Variants in PPCS observed in about 807,000 individuals in gnomAD.
PPCS encodes the protein phosphopantothenate--cysteine ligase.
A neutral mutation model predicts 24.6 loss-of-function variants in PPCS; 17 were observed. The observed-to-expected ratio is 0.69, with a 90% CI of 0.47 to 1.04. The LOEUF is 1.04. Among genes scored for constraint, PPCS ranks in the 50% least tolerant of loss-of-function variants. PPCS has a pLI of 0.00. For missense variants in PPCS, 360 were observed against 402.8 expected (o/e 0.89, Z 0.91); for synonymous variants, 190 against 168.3 (o/e 1.13, Z -1.00).
intron 2 of PPCS, among the ~76,000 whole-genome samples, chr1:42,469,133 CTT>C (rs1424850930): frequency 6.6e-6 from 1 of 152,108 alleles, no homozygotes; most frequent in African/African-American, 2.4e-5. Flanking sequence ...AATCCCAGCA[CTT>C]TGAGAGGCTG....
In PPCS at chr1:42,467,523, A is replaced by G. The variant is rs189561828; in HGVS notation, n.378-5599A>G. ...TTCTGGCTTGGGAAACTATGTTGACAGTGATTTTAACTATGAAATAGAGAA... is the reference window on the plus strand; with the variant it reads ...TTCTGGCTTGGGAAACTATGTTGACGGTGATTTTAACTATGAAATAGAGAA... On this transcript the variant is annotated intron_variant and non_coding_transcript_variant, in intron 2 of 2. Coordinates refer to the PPCS transcript ENST00000471420. Among the ~76,000 whole-genome samples, 4 of 152,328 alleles carry G rather than the reference A, an allele frequency of 2.6e-5. 1 individual carries two copies. In the East Asian group the frequency reaches 7.7e-4, roughly 29 times the overall value.
In PPCS at chr1:42,457,012, C is replaced by T. The variant is rs769497721; in HGVS notation, c.447C>T (p.Phe149=). The T allele has an allele frequency of 3.1e-6, 5 of 1,601,920 alleles. No individual in the cohort carries two copies. The highest frequency in any genetic ancestry group is 3.3e-5 in the Admixed American group (2 of 59,974). Reference sequence around the variant, plus strand: ...CAGGCACCTTCCTGGCAGTAGAGTTCACCACTTTGGCGGACTATTTGCATC... The same window carrying T: ...CAGGCACCTTCCTGGCAGTAGAGTTTACCACTTTGGCGGACTATTTGCATC... ...AAAGTFLAVE[F]TTLADYLHLL... Residue 149 remains phenylalanine, a synonymous_variant, in exon 1 of 3, where the codon TTC becomes TTT. Coordinates refer to ENST00000372561, the MANE Select transcript of PPCS (RefSeq NM_024664.4).
intron 2 of PPCS, chr1:42,459,114 C>T (rs986361980): frequency 2.6e-5 from 4 of 151,278 alleles, no homozygotes; most frequent in African/African-American, 9.8e-5. Context: ...ATGTATGGAG[C>T]CTTGAATTTA....
At position 42,457,189 on chromosome 1, in the gene PPCS, G is replaced by A. The variant is rs1643237469; in HGVS notation, c.509-58G>A. On this transcript the variant is annotated intron_variant, in intron 1 of 2. Transcript: ENST00000372561. ...CAGCTGGGGAACCCGAGTTGAGAAG[G>A]AGCTGATCCTATATCGTACCTCGCC... The A allele has an allele frequency of 1.2e-5, 20 of 1,609,736 alleles. No homozygotes were observed. The South Asian group carries it at 2.2e-4, about 18-fold the overall frequency.
chr1:42,472,235 A>G (rs1643793489), intron 2 of PPCS, among the ~76,000 whole-genome samples: 2 of 152,174 alleles, frequency 1.3e-5, no homozygotes, highest in African/African-American at 4.8e-5. Flanking sequence ...CCTGGGCAAC[A>G]GAGGTAGACT....
downstream of PPCS, among the ~76,000 whole-genome samples, chr1:42,465,596 C>T (rs1008084334): frequency 9.9e-5 from 15 of 152,038 alleles, no homozygotes; most frequent in Non-Finnish European, 1.9e-4. Flanking sequence ...AACTCCTGAC[C>T]CCAGGTGATC....
chr1:42,456,355 C>G, upstream of PPCS: 1 of 635,026 alleles, frequency 1.6e-6, no homozygotes, highest in East Asian at 2.9e-5. Context: ...GCCCACCCAG[C>G]CGGGGATCCC....
At chr1:42,457,447 G>A in intron 2 of PPCS, 97 bp downstream of exon 2, 1 of 1,033,770 alleles carries the variant, frequency 9.7e-7, no homozygotes, top group Non-Finnish European at 1.5e-6. Flanking sequence ...ATCTGTATTC[G>A]CTAGGCACAG....
At chr1:42,465,756 C>T (rs563717349), downstream of PPCS, among the ~76,000 whole-genome samples, 1 of 152,218 alleles carries the variant, frequency 6.6e-6, no homozygotes, top group East Asian at 1.9e-4. Flanking sequence ...GTTGTCACAA[C>T]TAGGGATATG....
chr1:42,463,838 A>G (rs533920804), downstream of PPCS: 4 of 152,240 alleles, frequency 2.6e-5, no homozygotes, highest in African/African-American at 9.6e-5. Context: ...CGTCATGCAG[A>G]ACCTTGAATC....
Position 42,456,808 on chromosome 1 carries a change from G to C in PPCS, c.243G>C (p.Leu81=), listed in dbSNP as rs1557775453. Residue 81 remains leucine, a synonymous_variant, in exon 1 of 3, where the codon CTG becomes CTC. Coordinates refer to ENST00000372561, the MANE Select transcript of PPCS (RefSeq NM_024664.4). ...TCCTAGCCGCCGGCTACGGGGTCCT[G>C]TTCTTGTATCGCGCTCGCTCTGCCT... The part of the protein sequence containing the change: ...EAFLAAGYGV[L]FLYRARSAFP... 1 of 1,613,396 alleles carries C rather than the reference G, an allele frequency of 6.2e-7. No individual in the cohort carries two copies. Among genetic ancestry groups the C allele is most frequent in the Non-Finnish European group, 8.5e-7 (1 of 1,180,036 alleles).
downstream of PPCS, among the ~76,000 whole-genome samples, chr1:42,464,531 T>A (rs1643507521): frequency 1.3e-5 from 2 of 152,354 alleles, no homozygotes; most frequent in Admixed American, 1.3e-4. Context: ...TTCTTTGTGA[T>A]GTAAGCCAAT....
At chr1:42,457,552 A>G (rs1450065096) in intron 2 of PPCS, 17 of 597,782 alleles carry the variant, frequency 2.8e-5, no homozygotes, top group Non-Finnish European at 2.4e-5. Flanking sequence ...ACAGAGTGAT[A>G]AATGCTCTAG....
At chr1:42,473,262 G>A in exon 3 of PPCS, 1 of 1,231,602 alleles carries the variant, frequency 8.1e-7, no homozygotes, top group South Asian at 4.1e-5. Flanking sequence ...TACCACAGAT[G>A]TAGAAGAGCT....
In PPCS at chr1:42,459,751, T is replaced by C. The variant is rs967199663; in HGVS notation, c.761T>C (p.Val254Ala). Residue 254 changes from valine to alanine, a missense_variant, in exon 3 of 3, where the codon GTG (valine) becomes GCG (alanine). Val to Ala is a moderately conservative substitution (Grantham distance 64). This residue lies in a region of PPCS where 116 missense variants were observed against 168.1 expected (regional missense o/e 0.69). Transcript: ENST00000372561. ...GCTTTGGAAATTTATCAGCATCAAGTGGTGGTGGCTAATATCCTTGAGTCA... is the reference window on the plus strand; with the variant it reads ...GCTTTGGAAATTTATCAGCATCAAGCGGTGGTGGCTAATATCCTTGAGTCA... Reference protein sequence around the residue: ...RKALEIYQHQVVVANILESRQ... With the variant: ...RKALEIYQHQAVVANILESRQ... 5.6e-6 allele frequency: 9 copies of C among 1,614,036 alleles called. No homozygotes were observed. The African/African-American group carries it at 1.1e-4, about 19-fold the overall frequency.
intron 2 of PPCS, chr1:42,468,592 G>A (rs1643665963): frequency 6.6e-6 from 1 of 152,244 alleles, no homozygotes; most frequent in Admixed American, 6.5e-5. Flanking sequence ...GACACCAGCA[G>A]TCTCTGCCAC....
At chr1:42,461,536 A>G (rs956517381), downstream of PPCS, among the ~76,000 whole-genome samples, 1 of 148,992 alleles carries the variant, frequency 6.7e-6, no homozygotes, top group African/African-American at 2.5e-5. Flanking sequence ...AGGTCTTACT[A>G]TGTTACCCAG....
downstream of PPCS, chr1:42,463,219 C>T (rs2783374): frequency 0.98 from 149,251 of 152,332 alleles, 73,184 homozygotes; most frequent in East Asian, 1. Context: ...TCTGGTTCCA[C>T]TGGCGTGCGT....
chr1:42,466,590 C>T (rs1367627377), intron 2 of PPCS, among the ~76,000 whole-genome samples: 1 of 150,690 alleles, frequency 6.6e-6, no homozygotes, highest in Admixed American at 6.6e-5. Context: ...CTTGCTCTGT[C>T]GCCCAGGCTG....
Sources: gnomAD v4.1 joint callset for allele counts (sites outside exome capture counted in the v4.1 genomes callset) on GRCh38, gnomAD v4.1.1 for gene constraint, gnomAD v4.1.1 regional missense constraint, MANE v1.5 for transcripts, NCBI Gene and HGNC (gene_info 2026-07-23, HGNC 2026-07-21) for gene names.